The following ATG2B variants were observed in gnomAD, a reference collection of about 807,000 sequenced individuals.
ATG2B encodes autophagy-related protein 2 homolog B.
ATG2B carries 121 observed loss-of-function variants against 241.3 expected under a neutral mutation model. That is an observed-to-expected ratio of 0.50 (90% CI 0.43 to 0.58). The LOEUF (loss-of-function observed/expected upper bound fraction) is 0.58. Ranked by LOEUF, ATG2B falls within the 20% of genes least tolerant of loss-of-function variation. ATG2B has a pLI of 0.00. For missense variants in ATG2B, 2,306 were observed against 2,491.6 expected (o/e 0.93, Z 1.59); for synonymous variants, 858 against 876.6 (o/e 0.98, Z 0.37).
rs1595302789 is a variant in ATG2B at position 96,308,276 on chromosome 14, ATATATATTTT to A, written c.4303+1167_4303+1176del. ...TACACACATATATATATATATATAT[ATATATATTTT>A]TTTTTTTTTTTTTTTTGAGACAGAA... On this transcript the variant is annotated intron_variant, in intron 29 of 41. Coordinates refer to ENST00000359933, the MANE Select transcript of ATG2B (RefSeq NM_018036.7). 1.5e-3 allele frequency among the ~76,000 whole-genome samples: 42 copies of A among 27,108 alleles called. 3 individuals are homozygous for A. Among genetic ancestry groups the A allele is most frequent in the South Asian group, 4.4e-3 (4 of 910 alleles). 17.8% of individuals were successfully genotyped at this position (27,108 alleles called of 152,430 possible). A position where few individuals can be genotyped will look rare whatever the true frequency, so the allele number is the denominator to read the frequency against.
At chr14:96,327,861 C>A (rs1372563670) in intron 14 of ATG2B, among the ~76,000 whole-genome samples, 1 of 152,184 alleles carries the variant, frequency 6.6e-6, no homozygotes, top group East Asian at 1.9e-4. Flanking sequence ...CTCGCTCTGT[C>A]ACCCAAGCTG....
intron 29 of ATG2B, 68 bp from the exon 30 acceptor site, chr14:96,306,984 G>A: frequency 1.5e-6 from 2 of 1,317,332 alleles, no homozygotes; most frequent in South Asian, 1.3e-5. Flanking sequence ...TTTTAACCAT[G>A]TGTCAGATAT....
At chr14:96,292,693 A>C (rs919199958) in intron 36 of ATG2B, among the ~76,000 whole-genome samples, 1 of 152,212 alleles carries the variant, frequency 6.6e-6, no homozygotes. Context: ...ACATTGTTAA[A>C]TTTTGTGAGA....
chr14:96,305,780 A>G lies in ATG2B; in HGVS notation c.4542T>C (p.Val1514=). 6.2e-7 allele frequency: 1 copy of G among 1,614,188 alleles called. No individual in the cohort carries two copies. The highest frequency in any genetic ancestry group is 8.5e-7 in the Non-Finnish European group (1 of 1,180,018). The stretch of plus-strand genomic sequence containing the variant: ...TGTCTCTTATCACAATTGCATCATC[A>G]ACCATGATTTTTATAACTGGTTCTT... ...KEEEPVIKIM[V]DDAIVIRDNY... Residue 1514 remains valine (V), a synonymous_variant, in exon 31 of 42, where the codon GTT becomes GTC. Coordinates refer to ENST00000359933, the MANE Select transcript of ATG2B (RefSeq NM_018036.7).
rs745328924 is a variant in ATG2B at position 96,302,084 on chromosome 14, A to C, written c.5062T>G (p.Cys1688Gly). The change falls in exon 34 of 42, where the codon TGT becomes GGT. Residue 1688 changes from cysteine (C) to glycine (G), a missense_variant. Cys to Gly is a radical substitution (Grantham distance 159). Transcript: ENST00000359933. ...NMLTVKALHV[C>G]PESGRSPQEC... ...TGTGGGGACCTGCCAGATTCTGGAC[A>C]CACGTGTAAGGCTTTCACTGTCAAC... 1.9e-6 allele frequency: 3 copies of C among 1,613,944 alleles called. No homozygotes were observed. The South Asian group carries it at 3.3e-5, about 18-fold the overall frequency.
intron 28 of ATG2B, 138 bp downstream of exon 28, chr14:96,310,979 C>T: frequency 1.4e-6 from 1 of 708,090 alleles, no homozygotes; most frequent in East Asian, 2.9e-5. Context: ...CCGTTTCAGA[C>T]CCCATTATTC....
chr14:96,295,419 T>C (rs910965959), intron 35 of ATG2B, 63 bp downstream of exon 35: 5 of 1,158,142 alleles, frequency 4.3e-6, no homozygotes, highest in Non-Finnish European at 5.0e-6. Context: ...CAAAAAAGCC[T>C]CATAACAATT....
At chr14:96,328,811 A>C (rs1226260436) in intron 12 of ATG2B, 45 bp from the exon 13 acceptor site, 1 of 1,433,660 alleles carries the variant, frequency 7.0e-7, no homozygotes, top group Non-Finnish European at 9.7e-7. Flanking sequence ...TAATCACAAG[A>C]ATTTACAGAG....
chr14:96,299,560 G>GCTA (rs2139844656), intron 34 of ATG2B, among the ~76,000 whole-genome samples: 1 of 152,218 alleles, frequency 6.6e-6, no homozygotes, highest in African/African-American at 2.4e-5. Context: ...AGAGTTCCAG[G>GCTA]CAGTACAAAA....
chr14:96,347,976 ACT>A (rs1289635419), intron 1 of ATG2B, among the ~76,000 whole-genome samples: 1 of 152,224 alleles, frequency 6.6e-6, no homozygotes, highest in Non-Finnish European at 1.5e-5. Context: ...CGGCAATCCC[ACT>A]GTTAGGTATA....
intron 2 of ATG2B, among the ~76,000 whole-genome samples, chr14:96,345,734 T>G (rs376943305): frequency 1.3e-5 from 2 of 152,260 alleles, no homozygotes; most frequent in East Asian, 1.9e-4. Context: ...TTGACATACT[T>G]TTTTCTGTAA....
chr14:96,320,575 C>T (rs1280567467), intron 18 of ATG2B, among the ~76,000 whole-genome samples: 3 of 151,978 alleles, frequency 2.0e-5, no homozygotes, highest in Non-Finnish European at 4.4e-5. Flanking sequence ...CAATCAGTGG[C>T]TCATATTCAA....
rs372319676 is a variant in ATG2B, at chr14:96,328,366, T to C, written c.2144A>G (p.Tyr715Cys). Residue 715 changes from tyrosine (Y) to cysteine (C), a missense_variant, in exon 14 of 42, where the codon TAT becomes TGT. By Grantham distance (194) the Tyr-to-Cys change is radical. Transcript: ENST00000359933. ...ACTTACCAGACTAATATGTTTATTA[T>C]ATGAAGTATACATGTGGGATGCCAT... Reference protein sequence around the residue: ...EMMASHMYTSYNKHISLHKAF... With the variant: ...EMMASHMYTSCNKHISLHKAF... 2 of 1,608,138 alleles carry C rather than the reference T, an allele frequency of 1.2e-6. No individual in the cohort carries two copies. The highest frequency in any genetic ancestry group is 2.2e-5 in the East Asian group (1 of 44,794).
At position 96,328,477 on chromosome 14, in the gene ATG2B, T is replaced by G; in HGVS notation, c.2033A>C (p.Asn678Thr). ...PHKAELQIKLNPVCCELDISI... is the reference protein window; with the variant it reads ...PHKAELQIKLTPVCCELDISI... ...GATATCCAGCTCACAACACACTGGA[T>G]TTAATTTAATTTGCAATTCTGCCTT... The change falls in exon 14 of 42, where the codon AAT becomes ACT. Residue 678 changes from asparagine to threonine, a missense_variant. Around this residue, in one of 2 missense-constraint regions of ATG2B, gnomAD observed 1,927 missense variants for 2,011.2 expected, o/e 0.96. Transcript: ENST00000359933. The G allele has an allele frequency of 6.2e-7, 1 of 1,613,224 alleles. No homozygotes were observed. The highest frequency in any genetic ancestry group is 8.5e-7 in the Non-Finnish European group (1 of 1,179,834).
chr14:96,331,257 G>A (rs1595317164), intron 11 of ATG2B, 119 bp downstream of exon 11: 2 of 961,996 alleles, frequency 2.1e-6, no homozygotes, highest in Non-Finnish European at 3.1e-6. Flanking sequence ...CAAATAAAAT[G>A]TGAATTAGAA....
At chr14:96,332,725 TA>T (rs964284707) in intron 8 of ATG2B, 70 bp from the exon 9 acceptor site, 71 of 1,233,600 alleles carry the variant, frequency 5.8e-5, no homozygotes, top group Non-Finnish European at 7.4e-5. Flanking sequence ...TAAGTTAATA[TA>T]CGTTAATACA....
chr14:96,310,894 G>A (rs563940535), intron 28 of ATG2B, among the ~76,000 whole-genome samples: 1 of 152,180 alleles, frequency 6.6e-6, no homozygotes, highest in South Asian at 2.1e-4. Context: ...AAAGTATGAT[G>A]TTTGCTAGGA....
intron 36 of ATG2B, among the ~76,000 whole-genome samples, chr14:96,294,721 A>G (rs1886582200): frequency 1.3e-5 from 2 of 152,220 alleles, no homozygotes; most frequent in Non-Finnish European, 2.9e-5. Context: ...AAGAAGCTAG[A>G]AGAAAAGGAA....
At chr14:96,325,945 T>C in intron 14 of ATG2B, 23 bp from the exon 15 acceptor site, 1 of 1,601,752 alleles carries the variant, frequency 6.2e-7, no homozygotes, top group East Asian at 2.2e-5. Flanking sequence ...ACATCAAAAA[T>C]ATGCCAAAAT....
Sources: allele counts gnomAD v4.1 joint callset (sites outside exome capture counted in the v4.1 genomes callset), GRCh38; gene constraint gnomAD v4.1.1; regional missense constraint gnomAD v4.1.1; transcripts MANE v1.5; gene names NCBI Gene and HGNC (gene_info 2026-07-23, HGNC 2026-07-21).